The following SAXO1 variants were observed in gnomAD, a reference collection of about 807,000 sequenced individuals.
SAXO1 encodes 4930500O09Rik.
Under a neutral mutation model 17.5 loss-of-function variants are expected in SAXO1, and 21 were observed. The ratio of observed to expected loss-of-function variants is 1.20; its 90% CI spans 0.85 to 1.72. The LOEUF is 1.72. Among genes scored for constraint, SAXO1 ranks in the 40% most tolerant of loss-of-function variants. The pLI, the probability that SAXO1 is intolerant of heterozygous loss-of-function variation, is 0.00. For missense variants in SAXO1, 843 were observed against 596.0 expected, an observed-to-expected ratio of 1.41 and a Z score of -4.32; for synonymous variants, 274 against 216.5, an observed-to-expected ratio of 1.27 and a Z score of -2.33.
intron 1 of SAXO1, among the ~76,000 whole-genome samples, chr9:18,969,785 G>A (rs550446091): frequency 2.0e-5 from 3 of 152,320 alleles, no homozygotes; most frequent in East Asian, 1.9e-4. Context: ...CTGCAGCCCT[G>A]AGAGCTAAGC....
At chr9:18,932,740 C>T (rs73427231) in intron 3 of SAXO1, among the ~76,000 whole-genome samples, 2,828 of 152,238 alleles carry the variant, frequency 0.019, 87 homozygotes, top group African/African-American at 0.063. Flanking sequence ...GCATGCAAGA[C>T]TTACACTTGC....
intron 1 of SAXO1, among the ~76,000 whole-genome samples, chr9:18,998,689 A>G (rs1367430140): frequency 6.6e-6 from 1 of 152,214 alleles, no homozygotes; most frequent in Non-Finnish European, 1.5e-5. Context: ...GAAATGAAGG[A>G]AAAAATGTTA....
At chr9:19,026,918 G>A (rs1429907678) in intron 1 of SAXO1, 15 of 783,916 alleles carry the variant, frequency 1.9e-5, no homozygotes, top group African/African-American at 6.8e-5. Context: ...ATGAGGCCAA[G>A]CAAGATGGAA....
intron 1 of SAXO1, among the ~76,000 whole-genome samples, chr9:19,047,373 G>GA (rs899616982): frequency 2.0e-5 from 3 of 151,268 alleles, no homozygotes; most frequent in Non-Finnish European, 4.4e-5. Context: ...CCAAAAAAAA[G>GA]AAAAAAAATA....
intron 2 of SAXO1, among the ~76,000 whole-genome samples, chr9:18,943,711 G>C (rs1191591489): frequency 6.6e-6 from 1 of 152,182 alleles, no homozygotes; most frequent in African/African-American, 2.4e-5. Context: ...CTCAGTGATG[G>C]CTACCTAAGC....
chr9:18,936,214 CCAA>C (rs1831282245), intron 3 of SAXO1, among the ~76,000 whole-genome samples: 1 of 152,266 alleles, frequency 6.6e-6, no homozygotes, highest in Non-Finnish European at 1.5e-5. Context: ...GATAATACTA[CCAA>C]CTATTTATCT....
intron 1 of SAXO1, among the ~76,000 whole-genome samples, chr9:18,956,907 A>C (rs1447699576): frequency 1.3e-5 from 2 of 152,226 alleles, no homozygotes; most frequent in Non-Finnish European, 2.9e-5. Context: ...CAGTGCTATG[A>C]AGATGTTATC....
At chr9:18,966,673 A>G (rs955944019) in intron 1 of SAXO1, among the ~76,000 whole-genome samples, 2 of 152,126 alleles carry the variant, frequency 1.3e-5, no homozygotes, top group South Asian at 4.1e-4. Flanking sequence ...GCTTCCTTGC[A>G]ATTGGGTAGG....
intron 1 of SAXO1, among the ~76,000 whole-genome samples, chr9:18,981,847 C>T (rs552085707): frequency 1.6e-3 from 239 of 152,354 alleles, no homozygotes; most frequent in African/African-American, 5.5e-3. Flanking sequence ...GTGCCAGAAC[C>T]AAGATTTCAA....
At position 18,980,399 on chromosome 9, in the gene SAXO1, TGAA is replaced by T. The variant is rs1328965156; in HGVS notation, c.39-29465_39-29463del. ...TAGTTTGAAAGGAAGCTTCAGGAGA[TGAA>T]GAAGTTGAGTTTTAGCAGCTCATTA... On this transcript the variant is annotated intron_variant, in intron 1 of 3. Transcript: ENST00000380534. Among the ~76,000 whole-genome samples, 4 of 151,902 alleles carry T rather than the reference TGAA, an allele frequency of 2.6e-5. No homozygotes were observed. The East Asian group carries it at 7.8e-4, about 29-fold the overall frequency.
intron 1 of SAXO1, among the ~76,000 whole-genome samples, chr9:19,028,548 C>A (rs567369431): frequency 1.6e-4 from 25 of 152,278 alleles, no homozygotes; most frequent in Non-Finnish European, 3.5e-4. Flanking sequence ...TTAAGTGGTA[C>A]ATTAGTTTCA....
chr9:19,027,489 G>C (rs1368767038), intron 1 of SAXO1: 7 of 820,612 alleles, frequency 8.5e-6, no homozygotes, highest in Non-Finnish European at 1.5e-5. Context: ...AGAACTTGCG[G>C]ATCCAACATC....
upstream of SAXO1, among the ~76,000 whole-genome samples, chr9:19,035,292 A>G (rs1164126975): frequency 6.6e-6 from 1 of 152,194 alleles, no homozygotes; most frequent in Non-Finnish European, 1.5e-5. Flanking sequence ...CTTATGATAG[A>G]GAATAAGTCT....
Position 18,928,665 on chromosome 9 carries a change from G to C in SAXO1, c.812C>G (p.Thr271Ser). Reference protein sequence around the residue: ...PPGLDMPFCNTTEFRDKYQAW... With the variant: ...PPGLDMPFCNSTEFRDKYQAW... ...TTGGTACTTATCTCGAAACTCAGTG[G>C]TGTTACAGAAAGGCATGTCTAGCCC... Residue 271 changes from threonine (T) to serine (S), a missense_variant, in exon 4 of 4, where the codon ACC (threonine) becomes AGC (serine). By Grantham distance (58) the Thr-to-Ser change is moderately conservative (BLOSUM62 1). Coordinates refer to ENST00000380534, the MANE Select transcript of SAXO1 (RefSeq NM_153707.4). 1.9e-6 allele frequency: 3 copies of C among 1,614,138 alleles called. No individual in the cohort carries two copies. Among genetic ancestry groups the C allele is most frequent in the Middle Eastern group, 1.6e-4 (1 of 6,062 alleles).
chr9:18,932,247 G>A (rs1831085757), intron 3 of SAXO1, among the ~76,000 whole-genome samples: 1 of 152,156 alleles, frequency 6.6e-6, no homozygotes, highest in Admixed American at 6.5e-5. Context: ...TTTTGCATGT[G>A]GATATCCAAC....
At chr9:19,014,503 TA>T (rs1233967681) in intron 1 of SAXO1, among the ~76,000 whole-genome samples, 2 of 147,220 alleles carry the variant, frequency 1.4e-5, no homozygotes, top group Admixed American at 1.4e-4. Context: ...TTTAAAAATT[TA>T]AAAAAAAATT....
In SAXO1 at chr9:18,949,727, A is replaced by G. The variant is rs1308915346; in HGVS notation, c.218+1031T>C. 2.0e-5 allele frequency among the ~76,000 whole-genome samples: 3 copies of G among 152,234 alleles called. No individual in the cohort carries two copies. The East Asian group carries it at 5.8e-4, about 29-fold the overall frequency. On this transcript the variant is annotated intron_variant, in intron 2 of 3. Transcript: ENST00000380534. ...ATTCTGGAGAAAACCTGAAGGCAGA[A>G]TGAATTAGAATGGTTCTGCTTCACC...
chr9:18,928,260 G>C lies in SAXO1; in HGVS notation c.1217C>G (p.Thr406Ser), dbSNP rs757162575. Residue 406 changes from threonine to serine, a missense_variant, in exon 4 of 4, where the codon ACC becomes AGC. Thr to Ser is a moderately conservative substitution (Grantham distance 58). Coordinates refer to ENST00000380534, the MANE Select transcript of SAXO1 (RefSeq NM_153707.4). ...PRGNVPVESQ[T>S]TYTISFTPKE... ...GGGAGTAAAGCTGATGGTGTAGGTG[G>C]TCTGGCTTTCCACAGGGACATTTCC... 1.9e-5 allele frequency: 31 copies of C among 1,613,238 alleles called. No homozygotes were observed. The highest frequency in any genetic ancestry group is 2.5e-5 in the Non-Finnish European group (29 of 1,179,430).
intron 1 of SAXO1, among the ~76,000 whole-genome samples, chr9:18,954,318 T>C (rs1169868428): frequency 1.3e-5 from 2 of 151,922 alleles, no homozygotes; most frequent in Non-Finnish European, 2.9e-5. Flanking sequence ...CTTGGAGCAT[T>C]GGCTCCAAGC....
Sources: allele counts gnomAD v4.1 joint callset (sites outside exome capture counted in the v4.1 genomes callset), GRCh38; gene constraint gnomAD v4.1.1; transcripts MANE v1.5; gene names NCBI Gene and HGNC (gene_info 2026-07-23, HGNC 2026-07-21).